Variants in ONECUT1 observed in about 807,000 individuals in gnomAD.
The protein encoded by ONECUT1 is hepatocyte nuclear factor 6.
In ONECUT1, 12 loss-of-function variants were observed where a neutral mutation model predicts 25.6. The observed-to-expected ratio is 0.47, with a 90% confidence interval of 0.30 to 0.76. The LOEUF (loss-of-function observed/expected upper bound fraction) is 0.76. ONECUT1 is among the 30% of genes least tolerant of loss of function. The pLI, the probability that ONECUT1 is intolerant of heterozygous loss-of-function variation, is 0.07. For synonymous variants in ONECUT1, 285 were observed against 270.2 expected (o/e 1.05, Z -0.54); for missense variants, 620 against 651.2 (o/e 0.95, Z 0.52).
rs568935307 is a variant in ONECUT1, at chr15:52,784,014, A to T, written c.1105+4766T>A. ...AACGACGTTCTAAAAACAAAGGCGC[A>T]GCAAGCATCCCTTTCTTCGCTGCCG... On this transcript the variant is annotated intron_variant, in intron 1 of 1. Transcript: ENST00000305901. This position sits in a 1 kb window ranked among gnomAD's most constrained non-coding sequence, Gnocchi z 5.0. Among the ~76,000 whole-genome samples the T allele has an allele frequency of 8.5e-5, 13 of 152,364 alleles. No individual in the cohort carries two copies. The East Asian group carries it at 2.3e-3, about 27-fold the overall frequency.
chr15:52,789,563 G>A lies in ONECUT1; in HGVS notation c.322C>T (p.Pro108Ser), dbSNP rs766028271. The change falls in exon 1 of 2, where the codon CCT becomes TCT. Residue 108 changes from proline to serine, a missense_variant. Around this residue, in one of 4 missense-constraint regions of ONECUT1, gnomAD observed 440 missense variants for 404.9 expected, o/e 1.09. Transcript: ENST00000305901. This position sits in a 1 kb window ranked among gnomAD's most constrained non-coding sequence, Gnocchi z 4.1. The part of the protein sequence containing the change: ...SMPTTYTTLT[P>S]LQPLPPISTV... ...GAGATGGGAGGCAGCGGCTGCAGAG[G>A]GGTCAAGGTGGTGTAGGTGGTGGGC... 12 of 1,592,140 alleles carry A rather than the reference G, an allele frequency of 7.5e-6. No homozygotes were observed. Among genetic ancestry groups the A allele is most frequent in the Non-Finnish European group, 1.0e-5 (12 of 1,167,650 alleles).
chr15:52,757,792 C>G lies in ONECUT1; in HGVS notation c.1161G>C (p.Lys387Asn). 2 of 1,614,142 alleles carry G rather than the reference C, an allele frequency of 1.2e-6. No homozygotes were observed. The highest frequency in any genetic ancestry group is 1.7e-6 in the Non-Finnish European group (2 of 1,179,998). The change falls in exon 2 of 2, where the codon AAG (lysine) becomes AAC (asparagine). Residue 387 changes from lysine (K) to asparagine (N), a missense_variant. By Grantham distance (94) the Lys-to-Asn change is moderately conservative. This residue lies in a region of ONECUT1 where 146 missense variants were observed against 201.8 expected (regional missense o/e 0.72). Coordinates refer to ENST00000305901, the MANE Select transcript of ONECUT1 (RefSeq NM_004498.4). ...GGACATCTGTGAAGACCAACCTGGG[C>G]TTTTTGGGTGTGTTGCCTCTATCCT... ...HGKDRGNTPKKPRLVFTDVQR... is the reference protein window; with the variant it reads ...HGKDRGNTPKNPRLVFTDVQR...
intron 1 of ONECUT1, among the ~76,000 whole-genome samples, chr15:52,761,263 CA>C (rs907503948): frequency 2.2e-4 from 34 of 152,186 alleles, no homozygotes; most frequent in Non-Finnish European, 1.6e-4. Context: ...TTACTTCCTT[CA>C]CCACCCCCAG....
At chr15:52,759,553 C>T (rs539594594) in intron 1 of ONECUT1, among the ~76,000 whole-genome samples, 1 of 152,162 alleles carries the variant, frequency 6.6e-6, no homozygotes, top group Non-Finnish European at 1.5e-5. Context: ...AAATCATATA[C>T]ATGTGTTAGT....
intron 1 of ONECUT1, 87 bp from the exon 2 acceptor site, chr15:52,757,934 A>T (rs1436430703): frequency 7.1e-7 from 1 of 1,416,892 alleles, no homozygotes; most frequent in Non-Finnish European, 9.6e-7. Flanking sequence ...TTTGTTAGCC[A>T]TTCCTCATGG....
intron 1 of ONECUT1, among the ~76,000 whole-genome samples, chr15:52,770,994 AACT>A (rs1231798726): frequency 1.3e-5 from 2 of 152,218 alleles, no homozygotes; most frequent in Non-Finnish European, 2.9e-5. Flanking sequence ...CAATTGGAAC[AACT>A]GTTCTGAAAG....
chr15:52,780,477 G>T, intron 1 of ONECUT1: 1 of 1,024,998 alleles, frequency 9.8e-7, no homozygotes, highest in Non-Finnish European at 1.4e-6. Context: ...TTAGTTAACC[G>T]CATTAGTGTG....
intron 1 of ONECUT1, among the ~76,000 whole-genome samples, chr15:52,761,514 T>C (rs893314496): frequency 7.9e-5 from 12 of 152,006 alleles, no homozygotes; most frequent in African/African-American, 2.7e-4. Flanking sequence ...CTACTAAACA[T>C]ACAAAAATTA....
intron 1 of ONECUT1, among the ~76,000 whole-genome samples, chr15:52,779,645 A>G (rs1043094251): frequency 6.6e-6 from 1 of 152,146 alleles, no homozygotes; most frequent in Non-Finnish European, 1.5e-5. Flanking sequence ...GCCTCCTTAA[A>G]AAGCCATTTT....
intron 1 of ONECUT1, among the ~76,000 whole-genome samples, chr15:52,769,142 C>G (rs553201590): frequency 3.3e-5 from 5 of 152,336 alleles, no homozygotes; most frequent in African/African-American, 1.2e-4. Context: ...CCTCAAGCAT[C>G]TTCTTTTCTG....
chr15:52,780,466 C>T, intron 1 of ONECUT1: 1 of 884,958 alleles, frequency 1.1e-6, no homozygotes, highest in Non-Finnish European at 1.7e-6. Flanking sequence ...TTTCTGAGTC[C>T]TTAGTTAACC....
chr15:52,771,433 GCA>G (rs1397932068), intron 1 of ONECUT1, among the ~76,000 whole-genome samples: 1 of 125,558 alleles, frequency 8.0e-6, no homozygotes, highest in African/African-American at 3.5e-5. Flanking sequence ...TGCATAAAAA[GCA>G]AGTGTGTGTG....
chr15:52,771,366 A>G (rs918089905), intron 1 of ONECUT1, among the ~76,000 whole-genome samples: 8 of 151,828 alleles, frequency 5.3e-5, no homozygotes, highest in Non-Finnish European at 1.2e-4. Context: ...TATTCATCCG[A>G]TCTTACAAAA....
Position 52,789,743 on chromosome 15 carries a change from C to T in ONECUT1, c.142G>A (p.Ala48Thr), listed in dbSNP as rs2083906614. ...VAHRGSHLPP[A>T]HPRSMGMASL... ...GCCATGCCCATGGAGCGCGGGTGCG[C>T]GGGGGGCAGGTGGCTGCCGCGGTGC... Residue 48 changes from alanine (A) to threonine (T), a missense_variant, in exon 1 of 2, where the codon GCG (alanine) becomes ACG (threonine). Physicochemically the swap from Ala to Thr is moderately conservative, Grantham distance 58. Transcript: ENST00000305901. The surrounding 1 kb of genome is among the most constrained non-coding windows in gnomAD (Gnocchi z 4.1). 7.8e-6 allele frequency: 11 copies of T among 1,408,504 alleles called. No homozygotes were observed. The highest frequency in any genetic ancestry group is 9.2e-6 in the Non-Finnish European group (10 of 1,091,116). The allele number at this position is 1,408,504 out of a possible 1,614,324, so 87.3% of individuals were successfully genotyped here. A position where few individuals can be genotyped will look rare whatever the true frequency, so the allele number is the denominator to read the frequency against.
chr15:52,780,737 A>AT, intron 1 of ONECUT1: 1 of 1,498,358 alleles, frequency 6.7e-7, no homozygotes, highest in Non-Finnish European at 8.9e-7. Flanking sequence ...AATTTTCCCC[A>AT]TTGATCTGTT....
At chr15:52,764,980 C>T (rs1008350442) in intron 1 of ONECUT1, among the ~76,000 whole-genome samples, 14 of 152,178 alleles carry the variant, frequency 9.2e-5, no homozygotes, top group Non-Finnish European at 1.5e-4. Context: ...CAAGACACAT[C>T]CTGAAGTTCT....
rs190091383 is a variant in ONECUT1, at chr15:52,772,901, C to T, written c.1106-15054G>A. On this transcript the variant is annotated intron_variant, in intron 1 of 1. Coordinates refer to ENST00000305901, the MANE Select transcript of ONECUT1 (RefSeq NM_004498.4). ...AAGACGTGGCATGAGTGCACACACA[C>T]ATACGCATATAACAAACCCAAGCTG... Among the ~76,000 whole-genome samples, 860 of 152,302 alleles carry T rather than the reference C, an allele frequency of 5.6e-3. 7 individuals are homozygous for T. Among genetic ancestry groups the T allele is most frequent in the South Asian group, 0.043 (208 of 4,822 alleles).
In ONECUT1 at chr15:52,788,829, C is replaced by T. The variant is rs781371240; in HGVS notation, c.1056G>A (p.Lys352=). 1 of 1,613,864 alleles carries T rather than the reference C, an allele frequency of 6.2e-7. No individual in the cohort carries two copies. Among genetic ancestry groups the T allele is most frequent in the African/African-American group, 1.3e-5 (1 of 74,940 alleles). The change falls in exon 1 of 2, where the codon AAG becomes AAA. Residue 352 remains lysine (K), a synonymous_variant. Coordinates refer to ENST00000305901, the MANE Select transcript of ONECUT1 (RefSeq NM_004498.4). This position sits in a 1 kb window ranked among gnomAD's most constrained non-coding sequence, Gnocchi z 4.3. Reference sequence around the variant, plus strand: ...GCTGGAACTCCGGCTCCTGCAGCCACTTCCACATCCTCCGGAAGGTCTCCC... The same window carrying T: ...GCTGGAACTCCGGCTCCTGCAGCCATTTCCACATCCTCCGGAAGGTCTCCC... The part of the protein sequence containing the change: ...SGRETFRRMW[K]WLQEPEFQRM...
At position 52,765,995 on chromosome 15, in the gene ONECUT1, A is replaced by G. The variant is rs1330112690; in HGVS notation, c.1106-8148T>C. Among the ~76,000 whole-genome samples, 2 of 152,088 alleles carry G rather than the reference A, an allele frequency of 1.3e-5. 1 individual carries two copies. ...AGCAGAGGGAGGTGGAGCCCAAACA[A>G]CCTACTGGACATGAGCTGTGTTTGC... On this transcript the variant is annotated intron_variant, in intron 1 of 1. Transcript: ENST00000305901.
Sources: gnomAD v4.1 joint callset for allele counts (sites outside exome capture counted in the v4.1 genomes callset) on GRCh38, gnomAD v4.1.1 for gene constraint, gnomAD v4.1.1 regional missense constraint, Gnocchi (gnomAD v3.1) non-coding constraint, MANE v1.5 for transcripts, NCBI Gene and HGNC (gene_info 2026-07-23, HGNC 2026-07-21) for gene names.